The following PTPRM variants were observed in gnomAD, a reference collection of about 807,000 sequenced individuals.
PTPRM encodes protein tyrosine phosphatase receptor type M.
In PTPRM, 47 loss-of-function variants were observed where a neutral mutation model predicts 186.7. The observed-to-expected ratio is 0.25, with a 90% CI of 0.20 to 0.32. The LOEUF (loss-of-function observed/expected upper bound fraction) is 0.32, where lower values mean the gene tolerates loss of function less well. PTPRM is among the 10% of genes least tolerant of loss of function. The probability of loss-of-function intolerance (pLI) is 1.00; values close to 1 mark genes in which losing one functional copy is unlikely to be tolerated. For synonymous variants in PTPRM, 668 were observed against 674.9 expected (o/e 0.99, Z 0.16); for missense variants, 1,494 against 1,865.0 (o/e 0.80, Z 3.66).
chr18:7,984,824 CATAT>C (rs1282714638), intron 7 of PTPRM, among the ~76,000 whole-genome samples: 2 of 131,592 alleles, frequency 1.5e-5, no homozygotes, highest in Non-Finnish European at 1.6e-5. Context: ...ATTATATACA[CATAT>C]ATAAATATAT....
At chr18:7,594,350 G>T (rs559097637) in intron 1 of PTPRM, among the ~76,000 whole-genome samples, 1 of 151,980 alleles carries the variant, frequency 6.6e-6, no homozygotes, top group Non-Finnish European at 1.5e-5. Context: ...CATGATGGCA[G>T]GTGCCTGTAA....
chr18:8,065,155 C>T (rs1326525043), intron 7 of PTPRM, among the ~76,000 whole-genome samples: 1 of 152,070 alleles, frequency 6.6e-6, no homozygotes, highest in Non-Finnish European at 1.5e-5. Context: ...TCTGAAAAAG[C>T]ACTGTAGTAG....
At chr18:7,888,945 T>G (rs2048921800) in intron 3 of PTPRM, among the ~76,000 whole-genome samples, 1 of 152,146 alleles carries the variant, frequency 6.6e-6, no homozygotes, top group Non-Finnish European at 1.5e-5. Flanking sequence ...AAGATGGGAA[T>G]AGTAGACACT....
At chr18:7,883,208 A>G (rs916747663) in intron 2 of PTPRM, among the ~76,000 whole-genome samples, 1 of 152,208 alleles carries the variant, frequency 6.6e-6, no homozygotes, top group African/African-American at 2.4e-5. Flanking sequence ...TTTTTTAAAA[A>G]TTTACCGAGC....
intron 1 of PTPRM, among the ~76,000 whole-genome samples, chr18:7,725,230 G>A (rs2040522742): frequency 6.6e-6 from 1 of 152,006 alleles, no homozygotes; most frequent in Non-Finnish European, 1.5e-5. Flanking sequence ...ATTTTTGGGG[G>A]GTCCTTTTGT....
intron 2 of PTPRM, among the ~76,000 whole-genome samples, chr18:7,843,585 G>C (rs2046453636): frequency 6.6e-6 from 1 of 152,180 alleles, no homozygotes; most frequent in African/African-American, 2.4e-5. Flanking sequence ...CTCTAGGCTA[G>C]CATTTCCCAA....
chr18:8,380,670 C>T (rs1037844444), intron 29 of PTPRM, among the ~76,000 whole-genome samples: 2 of 152,164 alleles, frequency 1.3e-5, no homozygotes, highest in Non-Finnish European at 2.9e-5. Context: ...GGGCAAGACA[C>T]GGCCAGAAGT....
chr18:7,658,520 C>T (rs1372095198), intron 1 of PTPRM, among the ~76,000 whole-genome samples: 1 of 151,846 alleles, frequency 6.6e-6, no homozygotes, highest in African/African-American at 2.4e-5. Context: ...CTCAAGTCAC[C>T]AGCTGTGTTA....
intron 7 of PTPRM, among the ~76,000 whole-genome samples, chr18:7,981,235 C>T (rs1350280999): frequency 6.6e-6 from 1 of 152,124 alleles, no homozygotes; most frequent in Non-Finnish European, 1.5e-5. Flanking sequence ...CCTAAGCAAT[C>T]TCTGGACAAT....
In PTPRM at chr18:7,740,492, C is replaced by T. The variant is rs75731663; in HGVS notation, c.74-33657C>T. Among the ~76,000 whole-genome samples the T allele has an allele frequency of 8.0e-3, 1,221 of 152,222 alleles. 21 individuals are homozygous for T. Among genetic ancestry groups the T allele is most frequent in the African/African-American group, 0.027 (1,134 of 41,540 alleles). ...GGATTGCAACGGTCTGATTATAGGT[C>T]ACTGCAGCCTGAAACTCCTGGGCTG... On this transcript the variant is annotated intron_variant, in intron 1 of 32. Coordinates refer to ENST00000580170, the MANE Select transcript of PTPRM (RefSeq NM_001105244.2).
chr18:7,865,429 TC>T (rs1370617812), intron 2 of PTPRM, among the ~76,000 whole-genome samples: 1 of 152,250 alleles, frequency 6.6e-6, no homozygotes, highest in African/African-American at 2.4e-5. Flanking sequence ...CTTTACTGCA[TC>T]TATTGAAATA....
chr18:8,212,582 A>C (rs1197666001), intron 14 of PTPRM, among the ~76,000 whole-genome samples: 2 of 152,254 alleles, frequency 1.3e-5, no homozygotes, highest in Non-Finnish European at 2.9e-5. Flanking sequence ...AGGCAGGAGG[A>C]TAGCTTGAAG....
In PTPRM at chr18:8,113,476, G is replaced by C; in HGVS notation, c.1857-10G>C. On this transcript the variant is annotated splice_polypyrimidine_tract_variant and intron_variant, in intron 11 of 32. Transcript: ENST00000580170. ...ATAAAATATCATTGATGGTACTCTT[G>C]TTTTTCTAGTGTCTATCAAATAGTT... The C allele has an allele frequency of 6.2e-7, 1 of 1,610,132 alleles. No homozygotes were observed. The highest frequency in any genetic ancestry group is 1.7e-5 in the Admixed American group (1 of 59,950).
chr18:8,265,854 G>A (rs1225737570), intron 19 of PTPRM, among the ~76,000 whole-genome samples: 1 of 152,170 alleles, frequency 6.6e-6, no homozygotes, highest in East Asian at 1.9e-4. Context: ...GATATTAGCA[G>A]TAGTACGGTC....
chr18:8,155,350 C>T (rs73389742), intron 14 of PTPRM, among the ~76,000 whole-genome samples: 6,106 of 152,142 alleles, frequency 0.04, 267 homozygotes, highest in African/African-American at 0.11. Context: ...TAGTAATATT[C>T]CTGTCTCAGC....
rs2093698561 is a variant in PTPRM, at chr18:8,190,674, TAC to T, written c.2300+46897_2300+46898del. The stretch of plus-strand genomic sequence containing the variant: ...TTATCTGTAGTAATTTCATATAAAA[TAC>T]AGTTAATTTAATAGATAAGTTAGAT... On this transcript the variant is annotated intron_variant, in intron 14 of 32. Transcript: ENST00000580170. Among the ~76,000 whole-genome samples the T allele has an allele frequency of 7.9e-5, 12 of 152,340 alleles. No individual in the cohort carries two copies. In the South Asian group the frequency reaches 2.3e-3, roughly 29 times the overall value.
intron 7 of PTPRM, among the ~76,000 whole-genome samples, chr18:8,020,462 C>CT (rs2085143545): frequency 6.6e-6 from 1 of 152,164 alleles, no homozygotes; most frequent in Non-Finnish European, 1.5e-5. Context: ...GAAAAAAAGT[C>CT]TAAGACTTCT....
chr18:8,151,888 G>A (rs1050073496), intron 14 of PTPRM, among the ~76,000 whole-genome samples: 3 of 151,936 alleles, frequency 2.0e-5, no homozygotes, highest in East Asian at 1.9e-4. Context: ...AGTCCCTCAC[G>A]GCTTCCCTTG....
At chr18:8,148,237 T>C (rs2092928328) in intron 14 of PTPRM, among the ~76,000 whole-genome samples, 1 of 152,176 alleles carries the variant, frequency 6.6e-6, no homozygotes, top group African/African-American at 2.4e-5. Flanking sequence ...CAGCTCCTCT[T>C]TGTACCTCTG....
Sources: gnomAD v4.1 joint callset for allele counts (sites outside exome capture counted in the v4.1 genomes callset) on GRCh38, gnomAD v4.1.1 for gene constraint, MANE v1.5 for transcripts, NCBI Gene and HGNC (gene_info 2026-07-23, HGNC 2026-07-21) for gene names.